Variants in FSIP1 observed in about 807,000 individuals in gnomAD.
FSIP1 encodes fibrous sheath-interacting protein 1.
Under a neutral mutation model 60.9 loss-of-function variants are expected in FSIP1, and 65 were observed. The observed-to-expected ratio is 1.07, with a 90% CI of 0.87 to 1.31. The LOEUF (loss-of-function observed/expected upper bound fraction) is 1.31. Ranked by LOEUF, FSIP1 falls within the 40% of genes most tolerant of loss-of-function variation. The probability of loss-of-function intolerance (pLI) is 0.00; values close to 1 mark genes in which losing one functional copy is unlikely to be tolerated. For synonymous variants in FSIP1, 209 were observed against 221.2 expected (o/e 0.94, Z 0.49); for missense variants, 675 against 665.5 (o/e 1.01, Z -0.16).
At chr15:39,680,537 GATCTTTGCCCTAGTTAGA>G (rs1344297674) in intron 10 of FSIP1, among the ~76,000 whole-genome samples, 1 of 152,158 alleles carries the variant, frequency 6.6e-6, no homozygotes, top group African/African-American at 2.4e-5. Context: ...TCTCAGTCAT[GATCTTTGCCCTAGTTAGA>G]ATCTGATTGA....
chr15:39,635,342 A>G (rs1203183788), intron 10 of FSIP1, among the ~76,000 whole-genome samples: 1 of 152,166 alleles, frequency 6.6e-6, no homozygotes, highest in Non-Finnish European at 1.5e-5. Context: ...TCAAAAAAAA[A>G]AAAAATCCAT....
At position 39,614,944 on chromosome 15, in the gene FSIP1, T is replaced by C. The variant is rs952786282; in HGVS notation, c.1699+2791A>G. On this transcript the variant is annotated intron_variant, in intron 11 of 11. Coordinates refer to ENST00000350221, the MANE Select transcript of FSIP1 (RefSeq NM_152597.5). The stretch of plus-strand genomic sequence containing the variant: ...TGCTACTGGCATAAAAACAGATAAG[T>C]CAATCAACAGAACAGGACAGAAAGC... Among the ~76,000 whole-genome samples the C allele has an allele frequency of 2.6e-5, 4 of 152,134 alleles. 1 individual carries two copies. The South Asian group carries it at 6.2e-4, about 24-fold the overall frequency.
Position 39,676,773 on chromosome 15 carries a change from T to C in FSIP1, c.1188+36671A>G, listed in dbSNP as rs147198041. 5.6e-3 allele frequency among the ~76,000 whole-genome samples: 846 copies of C among 152,234 alleles called. 10 individuals are homozygous for C. Among genetic ancestry groups the C allele is most frequent in the African/African-American group, 0.02 (816 of 41,476 alleles). ...CTGTCCTAAATATTAAGGAAGTACA[T>C]AGCAGATGCTGGAGAATCTGTAAAA... On this transcript the variant is annotated intron_variant, in intron 10 of 11. Transcript: ENST00000350221.
chr15:39,726,664 T>C lies in FSIP1; in HGVS notation c.975A>G (p.Ile325Met), dbSNP rs1423418147. 2 of 1,614,160 alleles carry C rather than the reference T, an allele frequency of 1.2e-6. No homozygotes were observed. The highest frequency in any genetic ancestry group is 2.2e-5 in the South Asian group (2 of 91,084). The change falls in exon 9 of 12, where the codon ATA (isoleucine) becomes ATG (methionine). Residue 325 changes from isoleucine (I) to methionine (M), a missense_variant. Transcript: ENST00000350221. ...TQHQQLAEIDIKLQELSAASP... is the reference protein window; with the variant it reads ...TQHQQLAEIDMKLQELSAASP... Reference sequence around the variant, plus strand: ...AGGCTGCAGAGAGTTCTTGGAGTTTTATATCAATTTCAGCAAGCTGCTGAT... The same window carrying C: ...AGGCTGCAGAGAGTTCTTGGAGTTTCATATCAATTTCAGCAAGCTGCTGAT...
In FSIP1 at chr15:39,713,616, G is replaced by A. The variant is rs1381973331; in HGVS notation, c.1051-35C>T. ...AGAAAAAAAAAAAACATCATTCACA[G>A]GCTGGAAATGTGCTGTCACATACCA... On this transcript the variant is annotated intron_variant, in intron 9 of 11. Coordinates refer to ENST00000350221, the MANE Select transcript of FSIP1 (RefSeq NM_152597.5). 2.5e-6 allele frequency: 4 copies of A among 1,568,984 alleles called. No homozygotes were observed. In the African/African-American group the frequency reaches 5.5e-5, roughly 22 times the overall value.
At chr15:39,744,538 A>G (rs1043819567) in intron 5 of FSIP1, among the ~76,000 whole-genome samples, 1 of 152,106 alleles carries the variant, frequency 6.6e-6, no homozygotes, top group Non-Finnish European at 1.5e-5. Context: ...CTGGAGGTGA[A>G]ATCCTGGAGG....
intron 10 of FSIP1, among the ~76,000 whole-genome samples, chr15:39,703,929 A>G (rs1231278673): frequency 6.6e-6 from 1 of 152,224 alleles, no homozygotes; most frequent in Non-Finnish European, 1.5e-5. Flanking sequence ...ACTGTACTAC[A>G]TTCTCAACTA....
At chr15:39,744,564 A>C (rs1896921115) in intron 5 of FSIP1, among the ~76,000 whole-genome samples, 1 of 152,076 alleles carries the variant, frequency 6.6e-6, no homozygotes, top group Non-Finnish European at 1.5e-5. Context: ...AGAGAACCTG[A>C]AGAGGCTGGA....
rs1311948568 is a variant in FSIP1, at chr15:39,687,136, CCT to C, written c.1188+26306_1188+26307del. On this transcript the variant is annotated intron_variant, in intron 10 of 11. Coordinates refer to ENST00000350221, the MANE Select transcript of FSIP1 (RefSeq NM_152597.5). ...CACCTTTCTTTCTTTCTTTTCTTTT[CCT>C]TTTTTTTTTTTTTTTTTTTTTTTTT... is the stretch of plus-strand genomic sequence containing the variant. 3.6e-4 allele frequency among the ~76,000 whole-genome samples: 17 copies of C among 47,706 alleles called. 4 individuals carry two copies. In the East Asian group the frequency reaches 6.0e-3, roughly 17 times the overall value. The allele number at this position is 47,706 out of a possible 152,430, so 31.3% of individuals were successfully genotyped here. A position where few individuals can be genotyped will look rare whatever the true frequency, so the allele number is the denominator to read the frequency against.
At chr15:39,624,962 G>C (rs1891578894) in intron 10 of FSIP1, among the ~76,000 whole-genome samples, 1 of 152,246 alleles carries the variant, frequency 6.6e-6, no homozygotes, top group Non-Finnish European at 1.5e-5. Context: ...TCAGTGGACA[G>C]AATAATACTG....
intron 8 of FSIP1, among the ~76,000 whole-genome samples, chr15:39,732,342 G>A (rs1311072881): frequency 6.6e-6 from 1 of 152,130 alleles, no homozygotes; most frequent in Non-Finnish European, 1.5e-5. Flanking sequence ...CATGACGGTT[G>A]GGCATGGTGC....
chr15:39,649,950 A>C (rs1892799086), intron 10 of FSIP1, among the ~76,000 whole-genome samples: 1 of 152,138 alleles, frequency 6.6e-6, no homozygotes, highest in African/African-American at 2.4e-5. Context: ...TTCTGGCCCC[A>C]CACTTTTGTT....
At chr15:39,779,526 C>T (rs916527014) in intron 1 of FSIP1, among the ~76,000 whole-genome samples, 1 of 152,202 alleles carries the variant, frequency 6.6e-6, no homozygotes, top group African/African-American at 2.4e-5. Context: ...CCACCCTGAG[C>T]TATACGCTAT....
intron 2 of FSIP1, among the ~76,000 whole-genome samples, chr15:39,775,419 A>G (rs551518285): frequency 6.6e-6 from 1 of 152,250 alleles, no homozygotes; most frequent in East Asian, 1.9e-4. Context: ...ATTTCCTAAA[A>G]CCTTAAAAGA....
chr15:39,752,762 G>C (rs1453871340), intron 5 of FSIP1, among the ~76,000 whole-genome samples: 1 of 152,000 alleles, frequency 6.6e-6, no homozygotes, highest in Non-Finnish European at 1.5e-5. Flanking sequence ...CGGACATTAA[G>C]TAAAAGTTAA....
At chr15:39,603,969 T>TTGC (rs1397360021) in intron 11 of FSIP1, among the ~76,000 whole-genome samples, 1 of 152,224 alleles carries the variant, frequency 6.6e-6, no homozygotes, top group Non-Finnish European at 1.5e-5. Context: ...GTTGTTGTTG[T>TTGC]TGCCCAGGCT....
chr15:39,608,586 A>G (rs1890910749), intron 11 of FSIP1, among the ~76,000 whole-genome samples: 1 of 152,244 alleles, frequency 6.6e-6, no homozygotes, highest in African/African-American at 2.4e-5. Context: ...ATTTCAGAGT[A>G]GAACAAAGTT....
intron 9 of FSIP1, among the ~76,000 whole-genome samples, chr15:39,724,541 T>C (rs77397710): frequency 0.12 from 18,100 of 152,210 alleles, 1,316 homozygotes; most frequent in African/African-American, 0.2. Context: ...CATAAGCCAC[T>C]GCGCCTGGCC....
At chr15:39,651,134 G>A (rs1175740301) in intron 10 of FSIP1, among the ~76,000 whole-genome samples, 1 of 152,180 alleles carries the variant, frequency 6.6e-6, no homozygotes, top group Admixed American at 6.5e-5. Context: ...GCTGTCATGT[G>A]TCTCCATATC....
Sources: allele counts gnomAD v4.1 joint callset (sites outside exome capture counted in the v4.1 genomes callset), GRCh38; gene constraint gnomAD v4.1.1; transcripts MANE v1.5; gene names NCBI Gene and HGNC (gene_info 2026-07-23, HGNC 2026-07-21).